Variants in MYT1L observed in about 807,000 individuals in gnomAD.
MYT1L encodes the protein myelin transcription factor 1 like, also known as myelin transcription factor 1-like protein.
Under a neutral mutation model 126.7 loss-of-function variants are expected in MYT1L, and 12 were observed. That is an observed-to-expected ratio of 0.09 (90% CI 0.06 to 0.15). The LOEUF (loss-of-function observed/expected upper bound fraction) is 0.15, where lower values mean the gene tolerates loss of function less well. MYT1L is among the 10% of genes least tolerant of loss of function. The pLI is 1.00. For missense variants in MYT1L, 979 were observed against 1,585.2 expected (o/e 0.62, Z 6.49); for synonymous variants, 541 against 604.2 (o/e 0.90, Z 1.53).
At chr2:1,968,575 G>A (rs1363890462) in intron 8 of MYT1L, among the ~76,000 whole-genome samples, 2 of 152,154 alleles carry the variant, frequency 1.3e-5, no homozygotes, top group African/African-American at 4.8e-5. Flanking sequence ...GTATTATGTA[G>A]GGGGAGCTCA....
intron 18 of MYT1L, among the ~76,000 whole-genome samples, chr2:1,861,048 G>A (rs147724889): frequency 6.6e-5 from 10 of 152,082 alleles, no homozygotes; most frequent in Non-Finnish European, 1.0e-4. Context: ...AGAGGGAAGC[G>A]GCGACAATGG....
At chr2:1,964,155 G>T (rs941418941) in intron 8 of MYT1L, among the ~76,000 whole-genome samples, 5 of 152,152 alleles carry the variant, frequency 3.3e-5, no homozygotes, top group African/African-American at 9.7e-5. Flanking sequence ...GAATAGGAAG[G>T]CCTGAGGAGC....
intron 3 of MYT1L, among the ~76,000 whole-genome samples, chr2:2,135,673 T>C (rs73913209): frequency 0.015 from 2,278 of 151,906 alleles, 56 homozygotes; most frequent in African/African-American, 0.048. Flanking sequence ...GAGAAATCAG[T>C]GGAAAAGGAG....
At chr2:2,215,991 TC>T (rs1156253935) in intron 2 of MYT1L, among the ~76,000 whole-genome samples, 1 of 152,058 alleles carries the variant, frequency 6.6e-6, no homozygotes, top group African/African-American at 2.4e-5. Context: ...TGTGGCACCC[TC>T]TCCCCCAACC....
chr2:2,107,548 C>T lies in MYT1L; in HGVS notation c.-303-53425G>A, dbSNP rs1006016707. Reference sequence around the variant, plus strand: ...AATAGATTCTCAGAGCCATTGATCCCGAAAGGTAGGAGCTAATGCCTAAAG... The same window carrying T: ...AATAGATTCTCAGAGCCATTGATCCTGAAAGGTAGGAGCTAATGCCTAAAG... On this transcript the variant is annotated intron_variant, in intron 3 of 24. Transcript: ENST00000647738. Among the ~76,000 whole-genome samples the T allele has an allele frequency of 5.9e-5, 9 of 152,100 alleles. No individual in the cohort carries two copies. In the East Asian group the frequency reaches 9.6e-4, roughly 16 times the overall value.
chr2:1,850,035 G>T (rs1010109985), intron 19 of MYT1L, among the ~76,000 whole-genome samples: 31 of 150,712 alleles, frequency 2.1e-4, no homozygotes, highest in Admixed American at 7.9e-4. Flanking sequence ...GGGTGGTGAG[G>T]GGGGGGCCAT....
At chr2:1,928,803 T>G (rs183358483) in intron 9 of MYT1L, among the ~76,000 whole-genome samples, 1 of 151,776 alleles carries the variant, frequency 6.6e-6, no homozygotes, top group Admixed American at 6.6e-5. Context: ...ATGAGTGGAG[T>G]TTGGGTCCAT....
At chr2:1,812,941 G>T (rs1431288944) in intron 21 of MYT1L, among the ~76,000 whole-genome samples, 1 of 151,834 alleles carries the variant, frequency 6.6e-6, no homozygotes, top group Non-Finnish European at 1.5e-5. Flanking sequence ...TGAGAGGAGG[G>T]CTGGGGTGAG....
chr2:2,293,236 G>A (rs774397434), intron 1 of MYT1L, among the ~76,000 whole-genome samples: 1 of 152,128 alleles, frequency 6.6e-6, no homozygotes, highest in Non-Finnish European at 1.5e-5. Context: ...AAAGGGCTGA[G>A]GGATAAGAAA....
chr2:2,298,554 C>T (rs756113156), intron 1 of MYT1L, among the ~76,000 whole-genome samples: 1 of 152,174 alleles, frequency 6.6e-6, no homozygotes, highest in African/African-American at 2.4e-5. Context: ...AACATAAATA[C>T]GTAATGTGAT....
chr2:1,989,355 C>A (rs888886506), intron 5 of MYT1L, among the ~76,000 whole-genome samples: 3 of 152,108 alleles, frequency 2.0e-5, no homozygotes, highest in Non-Finnish European at 2.9e-5. Flanking sequence ...CTAGAAGAGG[C>A]GGCTCTCTGC....
In MYT1L at chr2:1,922,561, T is replaced by C. The variant is rs1412720581; in HGVS notation, c.1208A>G (p.Asp403Gly). 1.2e-6 allele frequency: 2 copies of C among 1,613,822 alleles called. No individual in the cohort carries two copies. Among genetic ancestry groups the C allele is most frequent in the African/African-American group, 1.3e-5 (1 of 74,912 alleles). ...SRVFASCAKEDGCHERDDDTT... is the reference protein window; with the variant it reads ...SRVFASCAKEGGCHERDDDTT... ...ATCGTCGTCCCGCTCATGACACCCATCCTCCTTCGCACAGCTGGCAAACAC... is the reference window on the plus strand; with the variant it reads ...ATCGTCGTCCCGCTCATGACACCCACCCTCCTTCGCACAGCTGGCAAACAC... The change falls in exon 10 of 25, where the codon GAT (aspartate) becomes GGT (glycine). Residue 403 changes from aspartate (D) to glycine (G), a missense_variant. Asp to Gly is a moderately conservative substitution (Grantham distance 94). Transcript: ENST00000647738. The surrounding 1 kb of genome is among the most constrained non-coding windows in gnomAD (Gnocchi z 7.4).
At chr2:1,834,855 A>T (rs113681185) in intron 21 of MYT1L, among the ~76,000 whole-genome samples, 283 of 38,462 alleles carry the variant, frequency 7.4e-3, no homozygotes, top group African/African-American at 0.022. Flanking sequence ...CATACCACGG[A>T]GATGGATACA....
intron 21 of MYT1L, among the ~76,000 whole-genome samples, chr2:1,830,368 A>G (rs1053457399): frequency 6.6e-6 from 1 of 152,202 alleles, no homozygotes; most frequent in Non-Finnish European, 1.5e-5. Flanking sequence ...GAAGGTTGGT[A>G]TGCGGAGGTG....
chr2:2,108,440 G>T (rs1164382511), intron 3 of MYT1L, among the ~76,000 whole-genome samples: 2 of 152,148 alleles, frequency 1.3e-5, no homozygotes, highest in African/African-American at 4.8e-5. Context: ...CTAACACCTT[G>T]TCTGCTGCCA....
At position 1,887,750 on chromosome 2, in the gene MYT1L, A is replaced by G; in HGVS notation, c.2521-141T>C. 1 of 980,636 alleles carries G rather than the reference A, an allele frequency of 1.0e-6. No homozygotes were observed. The highest frequency in any genetic ancestry group is 1.5e-5 in the South Asian group (1 of 64,848). The allele number at this position is 980,636 out of a possible 1,614,324, so 60.7% of individuals were successfully genotyped here. On this transcript the variant is annotated intron_variant, in intron 16 of 24. Transcript: ENST00000647738. The surrounding 1 kb of genome is among the most constrained non-coding windows in gnomAD (Gnocchi z 4.8). ...CTTTAAGATCCTTTTGGTCCTGATA[A>G]CGCCCCTACTGAAAATGCATATTGA...
At chr2:2,052,638 C>T (rs1432999396) in intron 4 of MYT1L, among the ~76,000 whole-genome samples, 1 of 152,172 alleles carries the variant, frequency 6.6e-6, no homozygotes, top group African/African-American at 2.4e-5. Context: ...CCAAAGAAGA[C>T]ATGCAAATGT....
chr2:1,836,939 G>C (rs2040983794), intron 21 of MYT1L, among the ~76,000 whole-genome samples: 1 of 152,240 alleles, frequency 6.6e-6, no homozygotes, highest in Admixed American at 6.5e-5. Context: ...AAGAAACAGG[G>C]AAGGGTGGAA....
chr2:2,104,728 G>A (rs886283466), intron 3 of MYT1L, among the ~76,000 whole-genome samples: 2 of 152,180 alleles, frequency 1.3e-5, no homozygotes, highest in Admixed American at 6.5e-5. Context: ...GGAAACACTC[G>A]CCCCTGCTTT....
Sources: allele counts gnomAD v4.1 joint callset (sites outside exome capture counted in the v4.1 genomes callset), GRCh38; gene constraint gnomAD v4.1.1; non-coding constraint Gnocchi (gnomAD v3.1); transcripts MANE v1.5; gene names NCBI Gene and HGNC (gene_info 2026-07-23, HGNC 2026-07-21).